The following COX8A variants were observed in gnomAD, a reference collection of about 807,000 sequenced individuals.
COX8A encodes cytochrome c oxidase subunit 8A, also known as cytochrome c oxidase subunit 8A, mitochondrial.
In COX8A, 6 loss-of-function variants were observed where a neutral mutation model predicts 4.4. The observed-to-expected ratio is 1.36, with a 90% CI of 0.74 to 2.68. The LOEUF (loss-of-function observed/expected upper bound fraction) is 2.68. COX8A is among the 30% of genes most tolerant of loss of function. The pLI is 0.00. For missense variants in COX8A, 72 were observed against 89.6 expected (o/e 0.80, Z 0.79); for synonymous variants, 53 against 47.1 (o/e 1.12, Z -0.51).
chr11:63,975,033 C>T (rs1942526889), intron 1 of COX8A, among the ~76,000 whole-genome samples: 1 of 152,174 alleles, frequency 6.6e-6, no homozygotes. Context: ...CTGTCAGGCC[C>T]TCCCTCTCCT....
At position 63,976,419 on chromosome 11, in the gene COX8A, C is replaced by A; in HGVS notation, c.*99C>A. On this transcript the variant is annotated 3_prime_UTR_variant, in exon 2 of 2. Coordinates refer to ENST00000314133, the MANE Select transcript of COX8A (RefSeq NM_004074.3). ...GTGGCCGGCCTCCCCTGGATCATGT[C>A]ATTCAATTCCAGTCACCTCTTCTGC... 4.7e-6 allele frequency: 5 copies of A among 1,065,084 alleles called. No individual in the cohort carries two copies. Among genetic ancestry groups the A allele is most frequent in the Non-Finnish European group, 7.2e-6 (5 of 696,932 alleles). 66.0% of individuals were successfully genotyped at this position (1,065,084 alleles called of 1,614,324 possible). A position where few individuals can be genotyped will look rare whatever the true frequency, so the allele number is the denominator to read the frequency against.
chr11:63,976,063 C>T (rs965465175), intron 1 of COX8A, among the ~76,000 whole-genome samples, 162 bp from the exon 2 acceptor site: 4 of 152,188 alleles, frequency 2.6e-5, no homozygotes, highest in African/African-American at 9.7e-5. Flanking sequence ...CTGTCTGCTC[C>T]GTGGAGCGTG....
chr11:63,975,562 C>G (rs11231665), intron 1 of COX8A, among the ~76,000 whole-genome samples: 8,648 of 151,444 alleles, frequency 0.057, 844 homozygotes, highest in African/African-American at 0.2. Context: ...AACATACAGG[C>G]TTTGCTTTTT....
chr11:63,976,092 A>C (rs570937795), intron 1 of COX8A, 133 bp from the exon 2 acceptor site: 2 of 786,244 alleles, frequency 2.5e-6, no homozygotes, highest in East Asian at 4.9e-5. Flanking sequence ...TAACGTGAGG[A>C]TGCGGGGCCT....
chr11:63,975,219 G>T (rs994042157), intron 1 of COX8A, among the ~76,000 whole-genome samples: 1 of 151,844 alleles, frequency 6.6e-6, no homozygotes, highest in African/African-American at 2.4e-5. Flanking sequence ...TCGCTCTGTC[G>T]CCAGGCTGGA....
In COX8A at chr11:63,976,302, C is replaced by G. The variant is rs2134297123; in HGVS notation, c.192C>G (p.Thr64=). The change falls in exon 2 of 2, where the codon ACC becomes ACG. Residue 64 remains threonine, a synonymous_variant. Coordinates refer to ENST00000314133, the MANE Select transcript of COX8A (RefSeq NM_004074.3). ...PAGWILSHLE[T]YRRPE ...GCTGGATCCTGTCACACCTGGAGAC[C>G]TACAGGAGGCCAGAGTGAAGGGGTC... 1 of 1,614,188 alleles carries G rather than the reference C, an allele frequency of 6.2e-7. No homozygotes were observed. The highest frequency in any genetic ancestry group is 8.5e-7 in the Non-Finnish European group (1 of 1,180,024).
At chr11:63,976,194 C>T (rs771010516) in intron 1 of COX8A, 31 bp from the exon 2 acceptor site, 5 of 1,598,098 alleles carry the variant, frequency 3.1e-6, no homozygotes, top group East Asian at 4.5e-5. Context: ...ATACTGACTC[C>T]GAGGTGCCTT....
chr11:63,975,782 A>G (rs965432361), intron 1 of COX8A, among the ~76,000 whole-genome samples: 5 of 151,842 alleles, frequency 3.3e-5, no homozygotes, highest in African/African-American at 1.2e-4. Flanking sequence ...GGGTTTCACC[A>G]TGTTGGTCAG....
chr11:63,974,847 G>A (rs1942525099), intron 1 of COX8A, 53 bp downstream of exon 1: 1 of 1,458,330 alleles, frequency 6.9e-7, no homozygotes, highest in South Asian at 1.3e-5. Flanking sequence ...GACCCCTTCT[G>A]CCTAGCTGAC....
At chr11:63,975,186 C>T (rs1942528558) in intron 1 of COX8A, among the ~76,000 whole-genome samples, 1 of 152,050 alleles carries the variant, frequency 6.6e-6, no homozygotes, top group Non-Finnish European at 1.5e-5. Context: ...TTTTATTTTA[C>T]TTATTTATTT....
rs766632161 is a variant in COX8A at position 63,974,635 on chromosome 11, C to G, written c.-46C>G. 1.9e-6 allele frequency: 3 copies of G among 1,551,604 alleles called. No individual in the cohort carries two copies. The highest frequency in any genetic ancestry group is 2.6e-6 in the Non-Finnish European group (3 of 1,142,836). The stretch of plus-strand genomic sequence containing the variant: ...CAGCGCAGCCATTTTGGCTTCCTGA[C>G]CTTGGGCTACGGCTGACCGTTTTTT... On this transcript the variant is annotated 5_prime_UTR_variant, in exon 1 of 2. Coordinates refer to ENST00000314133, the MANE Select transcript of COX8A (RefSeq NM_004074.3).
chr11:63,976,415 A>G lies in COX8A; in HGVS notation c.*95A>G, dbSNP rs1590772158. Reference sequence around the variant, plus strand: ...ATTTGTGGCCGGCCTCCCCTGGATCATGTCATTCAATTCCAGTCACCTCTT... The same window carrying G: ...ATTTGTGGCCGGCCTCCCCTGGATCGTGTCATTCAATTCCAGTCACCTCTT... On this transcript the variant is annotated 3_prime_UTR_variant, in exon 2 of 2. Coordinates refer to ENST00000314133, the MANE Select transcript of COX8A (RefSeq NM_004074.3). The G allele has an allele frequency of 1.8e-6, 2 of 1,100,568 alleles. No individual in the cohort carries two copies. The highest frequency in any genetic ancestry group is 2.8e-6 in the Non-Finnish European group (2 of 725,590). The allele number at this position is 1,100,568 out of a possible 1,614,324, so 68.2% of individuals were successfully genotyped here.
Position 63,975,884 on chromosome 11 carries a change from C to G in COX8A, c.115-341C>G, listed in dbSNP as rs115826264. 8.8e-3 allele frequency among the ~76,000 whole-genome samples: 1,341 copies of G among 152,234 alleles called. 25 individuals carry two copies. The highest frequency in any genetic ancestry group is 0.03 in the African/African-American group (1,266 of 41,554). ...TGTGAGCCACCATGCCCGGCCCAGA[C>G]CAGCTTTAAAACAGGTTTCAATAAA... On this transcript the variant is annotated intron_variant, in intron 1 of 1. Coordinates refer to ENST00000314133, the MANE Select transcript of COX8A (RefSeq NM_004074.3).
intron 1 of COX8A, among the ~76,000 whole-genome samples, chr11:63,975,392 TG>T (rs1942531535): frequency 6.6e-6 from 1 of 151,904 alleles, no homozygotes; most frequent in East Asian, 2.0e-4. Flanking sequence ...TTGGCCAGGA[TG>T]GTCTCGATCT....
chr11:63,976,509 T>TC lies in COX8A; in HGVS notation c.*194dup. ...GGGTCACTGACCCTGCTTGGTGGGGTCCCCCTTGTAACAATAAAATCTATT... is the reference window on the plus strand; with the variant it reads ...GGGTCACTGACCCTGCTTGGTGGGGTCCCCCCTTGTAACAATAAAATCTATT... On this transcript the variant is annotated 3_prime_UTR_variant, in exon 2 of 2. Coordinates refer to ENST00000314133, the MANE Select transcript of COX8A (RefSeq NM_004074.3). 1.7e-6 allele frequency: 1 copy of TC among 595,308 alleles called. No individual in the cohort carries two copies. Among genetic ancestry groups the TC allele is most frequent in the Non-Finnish European group, 3.0e-6 (1 of 333,510 alleles). The allele number at this position is 595,308 out of a possible 1,614,324, so 36.9% of individuals were successfully genotyped here.
At chr11:63,976,159 G>A (rs1255550483) in intron 1 of COX8A, 66 bp from the exon 2 acceptor site, 23 of 1,486,294 alleles carry the variant, frequency 1.5e-5, no homozygotes, top group Non-Finnish European at 2.2e-5. Context: ...CCTGGGAACT[G>A]CAAGGACTTA....
At chr11:63,974,837 G>A (rs1257725489) in intron 1 of COX8A, 43 bp downstream of exon 1, 2 of 1,503,310 alleles carry the variant, frequency 1.3e-6, no homozygotes, top group East Asian at 2.4e-5. Context: ...GCCGTGGGCT[G>A]ACCCCTTCTG....
Position 63,976,390 on chromosome 11 carries a change from A to G in COX8A, c.*70A>G. 2.1e-6 allele frequency: 3 copies of G among 1,418,532 alleles called. No individual in the cohort carries two copies. The highest frequency in any genetic ancestry group is 3.0e-6 in the Non-Finnish European group (3 of 1,004,674). The allele number at this position is 1,418,532 out of a possible 1,614,324, so 87.9% of individuals were successfully genotyped here. ...CGGCCCATCCTGGTCATGTTACTGC[A>G]TTTGTGGCCGGCCTCCCCTGGATCA... On this transcript the variant is annotated 3_prime_UTR_variant, in exon 2 of 2. Coordinates refer to ENST00000314133, the MANE Select transcript of COX8A (RefSeq NM_004074.3).
Position 63,974,712 on chromosome 11 carries a change from G to A in COX8A, c.32G>A (p.Gly11Asp). 5 of 1,610,246 alleles carry A rather than the reference G, an allele frequency of 3.1e-6. No individual in the cohort carries two copies. Among genetic ancestry groups the A allele is most frequent in the Non-Finnish European group, 4.2e-6 (5 of 1,178,456 alleles). Residue 11 changes from glycine to aspartate, a missense_variant, in exon 1 of 2, where the codon GGC becomes GAC. Coordinates refer to ENST00000314133, the MANE Select transcript of COX8A (RefSeq NM_004074.3). Reference sequence around the variant, plus strand: ...GTCCTGACGCCGCTGCTGCTGCGGGGCTTGACAGGCTCGGCCCGGCGGCTC... The same window carrying A: ...GTCCTGACGCCGCTGCTGCTGCGGGACTTGACAGGCTCGGCCCGGCGGCTC... MSVLTPLLLR[G>D]LTGSARRLPV...
Sources: allele counts gnomAD v4.1 joint callset (sites outside exome capture counted in the v4.1 genomes callset), GRCh38; gene constraint gnomAD v4.1.1; transcripts MANE v1.5; gene names NCBI Gene and HGNC (gene_info 2026-07-23, HGNC 2026-07-21).